Variants in TTBK1 observed in about 807,000 individuals in gnomAD.
TTBK1 encodes the protein tau tubulin kinase 1.
In TTBK1, 34 loss-of-function variants were observed where a neutral mutation model predicts 108.5. That is an observed-to-expected ratio of 0.31 (90% CI 0.24 to 0.42). The LOEUF is 0.42. TTBK1 is among the 10% of genes least tolerant of loss of function. The pLI is 1.00. For missense variants in TTBK1, 1,539 were observed against 1,826.0 expected (o/e 0.84, Z 2.86); for synonymous variants, 809 against 795.1 (o/e 1.02, Z -0.29).
At position 43,253,070 on chromosome 6, in the gene TTBK1, A is replaced by G. The variant is rs1362518963; in HGVS notation, c.256+184A>G. 6.6e-6 allele frequency among the ~76,000 whole-genome samples: 1 copy of G among 152,080 alleles called. No individual in the cohort carries two copies. The highest frequency in any genetic ancestry group is 1.5e-5 in the Non-Finnish European group (1 of 68,008). On this transcript the variant is annotated intron_variant, in intron 3 of 14. Transcript: ENST00000259750. This position sits in a 1 kb window ranked among gnomAD's most constrained non-coding sequence, Gnocchi z 5.8. ...TCTAGGAGAGATGGGACCGGGGTCTAAGACAGTGATGGGGCAGGAGGCCGG... is the reference window on the plus strand; with the variant it reads ...TCTAGGAGAGATGGGACCGGGGTCTGAGACAGTGATGGGGCAGGAGGCCGG...
intron 2 of TTBK1, 86 bp downstream of exon 2, chr6:43,246,854 C>G: frequency 9.8e-7 from 1 of 1,019,352 alleles, no homozygotes; most frequent in Non-Finnish European, 1.4e-6. Context: ...GTGCCCTCCG[C>G]TCCCCTACCC....
In TTBK1 at chr6:43,257,687, C is replaced by T. The variant is rs1470621766; in HGVS notation, c.862-125C>T. On this transcript the variant is annotated intron_variant, in intron 9 of 14. Coordinates refer to ENST00000259750, the MANE Select transcript of TTBK1 (RefSeq NM_032538.3). This position sits in a 1 kb window ranked among gnomAD's most constrained non-coding sequence, Gnocchi z 4.5. The stretch of plus-strand genomic sequence containing the variant: ...AATGTGCCGTTCTCCTTCCAATGCC[C>T]CCTCCAGGCCCATTCCTGTCCTGGA... 10 of 873,274 alleles carry T rather than the reference C, an allele frequency of 1.1e-5. No individual in the cohort carries two copies. Among genetic ancestry groups the T allele is most frequent in the Non-Finnish European group, 1.8e-5 (10 of 565,344 alleles). 54.1% of individuals were successfully genotyped at this position (873,274 alleles called of 1,614,324 possible).
In TTBK1 at chr6:43,259,591, GC is replaced by G; in HGVS notation, c.1316del (p.Pro439GlnfsTer16). 1 of 1,610,672 alleles carries G rather than the reference GC, an allele frequency of 6.2e-7. No individual in the cohort carries two copies. The highest frequency in any genetic ancestry group is 8.5e-7 in the Non-Finnish European group (1 of 1,178,632). ...GGGGGTCCCCAGCTCCCCAGTGCGT[GC>G]CCCCCCAGACTCCCCCACAACCCCA... ...GMGVPSSPVR[A>X]PPDSPTTPVR... On this transcript the variant is annotated frameshift_variant, in exon 12 of 15. Transcript: ENST00000259750. LOFTEE classifies it high-confidence loss of function. This position sits in a 1 kb window ranked among gnomAD's most constrained non-coding sequence, Gnocchi z 6.7.
chr6:43,283,588 C>A lies in TTBK1; in HGVS notation c.2848C>A (p.Arg950=), dbSNP rs780484757. The part of the protein sequence containing the change: ...NVMSSGGQAL[R]SEEFSAGGEL... Reference sequence around the variant, plus strand: ...CATGTCTTCCGGTGGACAAGCCTTGCGGTCTGAGGAGTTCAGCGCTGGGGG... The same window carrying A: ...CATGTCTTCCGGTGGACAAGCCTTGAGGTCTGAGGAGTTCAGCGCTGGGGG... Residue 950 remains arginine, a synonymous_variant, in exon 14 of 15, where the codon CGG becomes AGG. Transcript: ENST00000259750. This position sits in a 1 kb window ranked among gnomAD's most constrained non-coding sequence, Gnocchi z 8.1. 3 of 1,614,132 alleles carry A rather than the reference C, an allele frequency of 1.9e-6. No homozygotes were observed. The highest frequency in any genetic ancestry group is 8.5e-7 in the Non-Finnish European group (1 of 1,180,002).
intron 13 of TTBK1, among the ~76,000 whole-genome samples, chr6:43,266,742 G>A (rs1440514389): frequency 6.6e-6 from 1 of 151,818 alleles, no homozygotes; most frequent in African/African-American, 2.4e-5. Context: ...TCAGCCTCCC[G>A]AGAAGCTGGG....
At chr6:43,252,164 C>A (rs1028642200) in intron 2 of TTBK1, among the ~76,000 whole-genome samples, 2 of 150,350 alleles carry the variant, frequency 1.3e-5, no homozygotes, top group African/African-American at 4.9e-5. Context: ...GTCTTTTACC[C>A]TTTCCTGACA....
intron 2 of TTBK1, among the ~76,000 whole-genome samples, chr6:43,252,415 C>A (rs1236710681): frequency 6.6e-6 from 1 of 152,010 alleles, no homozygotes; most frequent in Non-Finnish European, 1.5e-5. Flanking sequence ...CACCTGAGGT[C>A]AGGAGTTTGA....
At chr6:43,278,102 C>T (rs965754076) in intron 13 of TTBK1, among the ~76,000 whole-genome samples, 4 of 152,136 alleles carry the variant, frequency 2.6e-5, no homozygotes, top group Non-Finnish European at 5.9e-5. Context: ...GCAGGAGTGG[C>T]TCCATGCACC....
rs1490288420 is a variant in TTBK1, at chr6:43,265,105, A to G, written c.1986+1755A>G. The stretch of plus-strand genomic sequence containing the variant: ...TGGAGGAAAACTCCAAATGGGGTCC[A>G]TGAACCCACAGAGGGGCTGGGGAGA... On this transcript the variant is annotated intron_variant, in intron 13 of 14. Coordinates refer to ENST00000259750, the MANE Select transcript of TTBK1 (RefSeq NM_032538.3). The surrounding 1 kb of genome is among the most constrained non-coding windows in gnomAD (Gnocchi z 4.1). Among the ~76,000 whole-genome samples, 2 of 152,386 alleles carry G rather than the reference A, an allele frequency of 1.3e-5. No individual in the cohort carries two copies. Among genetic ancestry groups the G allele is most frequent in the South Asian group, 2.1e-4 (1 of 4,832 alleles).
Position 43,253,118 on chromosome 6 carries a change from G to T in TTBK1, c.257-173G>T, listed in dbSNP as rs1777289891. Among the ~76,000 whole-genome samples the T allele has an allele frequency of 1.3e-5, 2 of 152,126 alleles. 1 individual carries two copies. Among genetic ancestry groups the T allele is most frequent in the Admixed American group, 1.3e-4 (2 of 15,266 alleles). ...CGGGTTGGTGATCAAGGAAGTAATCGAGCTGGAGTCTAGGAGACATGATGA... is the reference window on the plus strand; with the variant it reads ...CGGGTTGGTGATCAAGGAAGTAATCTAGCTGGAGTCTAGGAGACATGATGA... On this transcript the variant is annotated intron_variant, in intron 3 of 14. Transcript: ENST00000259750. The surrounding 1 kb of genome is among the most constrained non-coding windows in gnomAD (Gnocchi z 5.8).
intron 2 of TTBK1, among the ~76,000 whole-genome samples, chr6:43,249,173 A>C (rs2181001): frequency 0.066 from 10,042 of 152,056 alleles, 900 homozygotes; most frequent in African/African-American, 0.21. Context: ...ATTCTAGTCC[A>C]ACTCTATTCA....
In TTBK1 at chr6:43,269,532, G is replaced by C; in HGVS notation, c.1986+6182G>C. ...CCACCCTGCCTGACCCCGCCCACTTGCCCGGGACGCCGGCGCCGCAGGGGC... is the reference window on the plus strand; with the variant it reads ...CCACCCTGCCTGACCCCGCCCACTTCCCCGGGACGCCGGCGCCGCAGGGGC... On this transcript the variant is annotated intron_variant, in intron 13 of 14. Transcript: ENST00000259750. This position sits in a 1 kb window ranked among gnomAD's most constrained non-coding sequence, Gnocchi z 4.8. 1 of 1,282,828 alleles carries C rather than the reference G, an allele frequency of 7.8e-7. No individual in the cohort carries two copies. The highest frequency in any genetic ancestry group is 1.0e-6 in the Non-Finnish European group (1 of 969,700). 79.5% of individuals were successfully genotyped at this position (1,282,828 alleles called of 1,614,324 possible). A position where few individuals can be genotyped will look rare whatever the true frequency, so the allele number is the denominator to read the frequency against.
chr6:43,249,227 C>T (rs568108223), intron 2 of TTBK1, among the ~76,000 whole-genome samples: 1 of 152,168 alleles, frequency 6.6e-6, no homozygotes, highest in South Asian at 2.1e-4. Context: ...GTTTAAGAAA[C>T]TCACCCCAGG....
chr6:43,268,467 A>T (rs1397286758), intron 13 of TTBK1, among the ~76,000 whole-genome samples: 2 of 152,142 alleles, frequency 1.3e-5, no homozygotes, highest in African/African-American at 4.8e-5. Context: ...TTGTGCCCCC[A>T]TGTGACAGCA....
At position 43,253,179 on chromosome 6, in the gene TTBK1, C is replaced by G; in HGVS notation, c.257-112C>G. The stretch of plus-strand genomic sequence containing the variant: ...AGGGAGGTGGCAAGACAGGTGCTCA[C>G]AGGGCCAGCACTGGAGGGACCAGGA... On this transcript the variant is annotated intron_variant, in intron 3 of 14. Coordinates refer to ENST00000259750, the MANE Select transcript of TTBK1 (RefSeq NM_032538.3). The surrounding 1 kb of genome is among the most constrained non-coding windows in gnomAD (Gnocchi z 5.8). The G allele has an allele frequency of 8.2e-7, 1 of 1,217,678 alleles. No homozygotes were observed. The highest frequency in any genetic ancestry group is 1.2e-6 in the Non-Finnish European group (1 of 826,034). 75.4% of individuals were successfully genotyped at this position (1,217,678 alleles called of 1,614,324 possible).
chr6:43,244,258 A>G (rs1777031291), intron 1 of TTBK1, among the ~76,000 whole-genome samples: 1 of 149,736 alleles, frequency 6.7e-6, no homozygotes, highest in Non-Finnish European at 1.5e-5. Context: ...ACCTGTTCCC[A>G]TCACCCCTCG....
intron 12 of TTBK1, among the ~76,000 whole-genome samples, chr6:43,260,215 A>G (rs1777501672): frequency 1.3e-5 from 2 of 152,174 alleles, no homozygotes; most frequent in Admixed American, 1.3e-4. Flanking sequence ...AGGAGCATTG[A>G]GAAGCTAGGT....
intron 13 of TTBK1, chr6:43,271,057 G>A (rs1777821388): frequency 1.0e-6 from 1 of 985,354 alleles, no homozygotes; most frequent in Non-Finnish European, 1.2e-6. Flanking sequence ...CCATTTCTCA[G>A]CCCCCAACCT....
intron 13 of TTBK1, among the ~76,000 whole-genome samples, chr6:43,272,953 C>G (rs575653029): frequency 1.1e-4 from 16 of 152,262 alleles, no homozygotes; most frequent in Non-Finnish European, 2.2e-4. Flanking sequence ...GTGGTGTTTT[C>G]GCACTTCATA....
Sources: gnomAD v4.1 joint callset for allele counts (sites outside exome capture counted in the v4.1 genomes callset) on GRCh38, gnomAD v4.1.1 for gene constraint, Gnocchi (gnomAD v3.1) non-coding constraint, MANE v1.5 for transcripts, NCBI Gene and HGNC (gene_info 2026-07-23, HGNC 2026-07-21) for gene names.